FRMD6: variants seen among roughly 807,000 people sequenced by gnomAD.
The protein encoded by FRMD6 is FERM domain containing 6.
FRMD6 carries 37 observed loss-of-function variants against 73.2 expected under a neutral mutation model. The observed-to-expected ratio is 0.51, with a 90% CI of 0.39 to 0.66. FRMD6 has a LOEUF of 0.66. FRMD6 is among the 30% of genes least tolerant of loss of function. The pLI is 0.00. For synonymous variants in FRMD6, 273 were observed against 282.2 expected, an observed-to-expected ratio of 0.97 and a Z score of 0.33; for missense variants, 714 against 780.5, an observed-to-expected ratio of 0.91 and a Z score of 1.02.
the FRMD6 span, among the ~76,000 whole-genome samples, chr14:51,419,144 T>C: frequency 6.6e-6 from 1 of 152,120 alleles, no homozygotes; most frequent in East Asian, 1.9e-4. Flanking sequence ...CTGTGTGAGG[T>C]GATGCCCCGC....
chr14:51,468,262 G>C, the FRMD6 span, among the ~76,000 whole-genome samples: 2 of 137,602 alleles, frequency 1.5e-5, no homozygotes, highest in Non-Finnish European at 3.1e-5. Context: ...CCTCGGCTCG[G>C]CATCAGAGGG....
intron 12 of FRMD6, among the ~76,000 whole-genome samples, chr14:51,724,635 T>C (rs185914547): frequency 2.5e-4 from 38 of 152,330 alleles, no homozygotes; most frequent in African/African-American, 7.9e-4. Context: ...TGAGTCATTA[T>C]GAGATGTTTC....
At chr14:51,684,440 A>C (rs1895015501) in intron 1 of FRMD6, among the ~76,000 whole-genome samples, 1 of 152,234 alleles carries the variant, frequency 6.6e-6, no homozygotes, top group African/African-American at 2.4e-5. Flanking sequence ...CAGATTTCTG[A>C]GTTTAGCACT....
chr14:51,579,810 A>G (rs10148226), intron 2 of FRMD6, among the ~76,000 whole-genome samples: 12,398 of 152,130 alleles, frequency 0.081, 648 homozygotes, highest in African/African-American at 0.14. Context: ...GTCCTCTTCA[A>G]ATCTGACATA....
chr14:51,724,993 CTGT>C (rs1200373614), intron 12 of FRMD6, among the ~76,000 whole-genome samples: 2 of 152,092 alleles, frequency 1.3e-5, no homozygotes, highest in Admixed American at 1.3e-4. Context: ...GTTAGGTGCT[CTGT>C]TGTTCTCAAA....
At chr14:51,678,621 A>G (rs141265925) in intron 1 of FRMD6, among the ~76,000 whole-genome samples, 35 of 152,270 alleles carry the variant, frequency 2.3e-4, no homozygotes, top group African/African-American at 7.9e-4. Context: ...TGTATTTAAC[A>G]AGTCCTACTG....
intron 2 of FRMD6, among the ~76,000 whole-genome samples, chr14:51,690,629 G>A (rs981869120): frequency 6.6e-6 from 1 of 152,152 alleles, no homozygotes; most frequent in African/African-American, 2.4e-5. Flanking sequence ...CAGGTGATCC[G>A]CGTCAGCCTC....
intron 2 of FRMD6, among the ~76,000 whole-genome samples, chr14:51,697,388 A>T (rs1345387840): frequency 1.3e-5 from 2 of 152,174 alleles, no homozygotes; most frequent in African/African-American, 4.8e-5. Flanking sequence ...GGAGGATGTT[A>T]GGTTTAATGA....
At chr14:51,496,210 C>T (rs1170168924) in intron 1 of FRMD6, among the ~76,000 whole-genome samples, 2 of 152,146 alleles carry the variant, frequency 1.3e-5, no homozygotes, top group African/African-American at 4.8e-5. Context: ...CAGCAGAATC[C>T]CAAACCACAC....
chr14:51,722,369 A>G (rs1039575682), intron 12 of FRMD6, among the ~76,000 whole-genome samples: 31 of 152,232 alleles, frequency 2.0e-4, no homozygotes, highest in African/African-American at 6.5e-4. Context: ...GTCGAGAATC[A>G]TATAATGTAT....
At chr14:51,569,887 C>T (rs1268367061) in intron 1 of FRMD6, among the ~76,000 whole-genome samples, 4 of 151,738 alleles carry the variant, frequency 2.6e-5, no homozygotes, top group Admixed American at 6.6e-5. Context: ...GCGATCTCGG[C>T]TCACTGCAAG....
intron 1 of FRMD6, chr14:51,652,279 G>A (rs1035812596): frequency 2.6e-5 from 4 of 152,634 alleles, no homozygotes; most frequent in African/African-American, 9.6e-5. Context: ...CGAGGCCCTA[G>A]GGCAGCCGAG....
intron 1 of FRMD6, among the ~76,000 whole-genome samples, chr14:51,508,195 C>G (rs1337785924): frequency 6.6e-6 from 1 of 151,898 alleles, no homozygotes; most frequent in Non-Finnish European, 1.5e-5. Flanking sequence ...GTGACCCCAT[C>G]CGGCCCTGCC....
At chr14:51,618,411 C>T (rs1419130619) in intron 2 of FRMD6, among the ~76,000 whole-genome samples, 3 of 152,084 alleles carry the variant, frequency 2.0e-5, no homozygotes, top group Admixed American at 6.6e-5. Context: ...TGCTCATATT[C>T]GTTAAAAGGT....
At chr14:51,501,774 C>A (rs2140214479) in intron 1 of FRMD6, among the ~76,000 whole-genome samples, 1 of 152,170 alleles carries the variant, frequency 6.6e-6, no homozygotes, top group African/African-American at 2.4e-5. Flanking sequence ...GGTATTTCTG[C>A]CTCTGGGTCT....
intron 1 of FRMD6, among the ~76,000 whole-genome samples, chr14:51,527,105 G>A (rs1885300033): frequency 6.6e-6 from 1 of 152,356 alleles, no homozygotes; most frequent in Non-Finnish European, 1.5e-5. Flanking sequence ...CTCTAAAGTG[G>A]AGATTAAATA....
At chr14:51,424,941 G>A in the FRMD6 span, among the ~76,000 whole-genome samples, 1 of 152,180 alleles carries the variant, frequency 6.6e-6, no homozygotes, top group East Asian at 1.9e-4. Context: ...AGGACAAAAG[G>A]TCAGCAGTTC....
At chr14:51,440,104 C>T in the FRMD6 span, among the ~76,000 whole-genome samples, 442 of 152,256 alleles carry the variant, frequency 2.9e-3, 1 homozygote, top group Non-Finnish European at 5.0e-3. Context: ...GATAAGAAAG[C>T]GCAGCGCCCT....
intron 2 of FRMD6, among the ~76,000 whole-genome samples, chr14:51,632,100 G>A (rs1364861330): frequency 2.0e-5 from 3 of 152,182 alleles, no homozygotes; most frequent in Non-Finnish European, 4.4e-5. Flanking sequence ...GTTCTCAAGA[G>A]ATCTGATGGT....
Sources: gnomAD v4.1 joint callset for allele counts (sites outside exome capture counted in the v4.1 genomes callset) on GRCh38, gnomAD v4.1.1 for gene constraint, MANE v1.5 for transcripts, NCBI Gene and HGNC (gene_info 2026-07-23, HGNC 2026-07-21) for gene names.